The following LRRC7 variants were observed in gnomAD, a reference collection of about 807,000 sequenced individuals.
LRRC7 encodes leucine-rich repeat-containing protein 7.
In LRRC7, 23 loss-of-function variants were observed where a neutral mutation model predicts 175.7. The observed-to-expected ratio is 0.13, with a 90% CI of 0.09 to 0.19. LRRC7 has a LOEUF of 0.19. Among genes scored for constraint, LRRC7 ranks in the 10% least tolerant of loss-of-function variants. LRRC7 has a pLI of 1.00. For synonymous variants in LRRC7, 685 were observed against 680.9 expected, an observed-to-expected ratio of 1.01 and a Z score of -0.09; for missense variants, 1,354 against 1,904.7, an observed-to-expected ratio of 0.71 and a Z score of 5.38.
intron 7 of LRRC7, among the ~76,000 whole-genome samples, chr1:69,904,703 A>G (rs1363030044): frequency 6.6e-6 from 1 of 152,064 alleles, no homozygotes; most frequent in African/African-American, 2.4e-5. Flanking sequence ...TCAGGGGTAC[A>G]TGTGCAGGTT....
At chr1:69,839,804 AT>A (rs1238532944) in intron 7 of LRRC7, among the ~76,000 whole-genome samples, 1 of 152,110 alleles carries the variant, frequency 6.6e-6, no homozygotes, top group Non-Finnish European at 1.5e-5. Context: ...ATCTTTAAAT[AT>A]GAATTTTAAA....
At chr1:70,118,064 C>A (rs1468700438) in intron 26 of LRRC7, among the ~76,000 whole-genome samples, 2 of 28,268 alleles carry the variant, frequency 7.1e-5, no homozygotes, top group Non-Finnish European at 1.7e-4. Context: ...TTCTTCTATG[C>A]ACACACACAC....
At chr1:69,712,529 C>G (rs1664881393) in intron 2 of LRRC7, among the ~76,000 whole-genome samples, 1 of 152,032 alleles carries the variant, frequency 6.6e-6, no homozygotes, top group Admixed American at 6.6e-5. Context: ...TGCTTGAACC[C>G]AGGAGGCAGC....
intron 7 of LRRC7, among the ~76,000 whole-genome samples, chr1:69,926,249 G>A (rs1413636769): frequency 4.6e-4 from 60 of 131,298 alleles, no homozygotes; most frequent in Middle Eastern, 3.8e-3. Flanking sequence ...AATAGGTGTG[G>A]TGTGTGGTGT....
At chr1:69,967,133 C>T (rs966178493) in intron 8 of LRRC7, among the ~76,000 whole-genome samples, 6 of 152,120 alleles carry the variant, frequency 3.9e-5, no homozygotes, top group Admixed American at 2.6e-4. Context: ...TGAGACCAGC[C>T]GTTTGAATTG....
chr1:69,936,519 C>T (rs1224659570), intron 8 of LRRC7, among the ~76,000 whole-genome samples: 1 of 152,064 alleles, frequency 6.6e-6, no homozygotes, highest in Non-Finnish European at 1.5e-5. Context: ...AAATGTACTT[C>T]TTCAAAAATT....
intron 2 of LRRC7, among the ~76,000 whole-genome samples, chr1:69,698,555 T>C (rs974937347): frequency 3.3e-5 from 5 of 152,198 alleles, no homozygotes; most frequent in African/African-American, 7.2e-5. Context: ...CCTAGGAATA[T>C]CCAGAAAACT....
At chr1:69,776,733 G>C (rs949992663) in intron 3 of LRRC7, among the ~76,000 whole-genome samples, 1 of 151,722 alleles carries the variant, frequency 6.6e-6, no homozygotes, top group African/African-American at 2.4e-5. Flanking sequence ...GTGTGGGTGG[G>C]TGTGTCTGTG....
chr1:69,789,270 A>C (rs1674841251), intron 3 of LRRC7, among the ~76,000 whole-genome samples: 1 of 152,130 alleles, frequency 6.6e-6, no homozygotes, highest in South Asian at 2.1e-4. Flanking sequence ...ACTTGAAACA[A>C]TTTTATTGTT....
chr1:70,120,368 A>G (rs1044515413), intron 26 of LRRC7, among the ~76,000 whole-genome samples: 2 of 152,160 alleles, frequency 1.3e-5, no homozygotes, highest in Middle Eastern at 3.4e-3. Flanking sequence ...AAGAATTTAT[A>G]TTCTGTCATC....
chr1:69,685,044 C>T (rs959315084), intron 2 of LRRC7, among the ~76,000 whole-genome samples: 10 of 152,140 alleles, frequency 6.6e-5, no homozygotes, highest in South Asian at 4.1e-4. Flanking sequence ...AGAGGTTTAC[C>T]TAGGAATATT....
chr1:70,072,578 ACTGCTGCTG>A (rs6143270), intron 23 of LRRC7, among the ~76,000 whole-genome samples: 2,250 of 150,660 alleles, frequency 0.015, 33 homozygotes, highest in Non-Finnish European at 0.022. Flanking sequence ...GAGACAAAAA[ACTGCTGCTG>A]CTGCTGCTGC....
At position 70,036,174 on chromosome 1, in the gene LRRC7, A is replaced by G; in HGVS notation, c.2049A>G (p.Ser683=). ...NEMRIGELHP[S]LAETPLYPPK... is the part of the protein sequence containing the mutation. ...TGAGGATTGGGGAACTTCACCCTTC[A>G]TTAGCTGAGACCCCTCTGTACCCAC... Residue 683 remains serine, a synonymous_variant, in exon 19 of 27, where the codon TCA becomes TCG. Coordinates refer to ENST00000651989, the MANE Select transcript of LRRC7 (RefSeq NM_001370785.2). 1 of 1,613,612 alleles carries G rather than the reference A, an allele frequency of 6.2e-7. No individual in the cohort carries two copies. The highest frequency in any genetic ancestry group is 8.5e-7 in the Non-Finnish European group (1 of 1,179,680).
At chr1:69,731,338 C>T (rs2100818492) in intron 2 of LRRC7, among the ~76,000 whole-genome samples, 1 of 152,186 alleles carries the variant, frequency 6.6e-6, no homozygotes, top group East Asian at 1.9e-4. Flanking sequence ...CTCACTATTA[C>T]AAGAACAGCA....
intron 23 of LRRC7, among the ~76,000 whole-genome samples, chr1:70,055,285 A>T (rs1308828087): frequency 6.6e-6 from 1 of 152,130 alleles, no homozygotes; most frequent in East Asian, 1.9e-4. Flanking sequence ...GCTGGGATTT[A>T]TCCTGTGGGA....
rs59212223 is a variant in LRRC7, at chr1:69,600,800, C to CTTTTTTTTTTTTTTTTTTTTTTTTTTT, written c.2+32161_2+32187dup. Among the ~76,000 whole-genome samples, 3 of 64,896 alleles carry CTTTTTTTTTTTTTTTTTTTTTTTTTTT rather than the reference C, an allele frequency of 4.6e-5. 1 individual carries two copies. Among genetic ancestry groups the CTTTTTTTTTTTTTTTTTTTTTTTTTTT allele is most frequent in the African/African-American group, 1.2e-4 (2 of 16,152 alleles). The allele number at this position is 64,896 out of a possible 152,430, so 42.6% of individuals were successfully genotyped here. A position where few individuals can be genotyped will look rare whatever the true frequency, so the allele number is the denominator to read the frequency against. ...CCATTTCTCCAAGGATCTCTGGTTT[C>CTTTTTTTTTTTTTTTTTTTTTTTTTTT]TTTTTTTTTTTTTTTTTTTTTTTTT... On this transcript the variant is annotated intron_variant, in intron 1 of 26. Transcript: ENST00000651989.
intron 1 of LRRC7, among the ~76,000 whole-genome samples, chr1:69,642,337 A>G (rs1654333910): frequency 6.6e-6 from 1 of 152,026 alleles, no homozygotes; most frequent in Non-Finnish European, 1.5e-5. Flanking sequence ...CAAATAAACC[A>G]TTATATTCAA....
intron 20 of LRRC7, 105 bp downstream of exon 20, chr1:70,036,729 C>T (rs1659352677): frequency 2.4e-6 from 3 of 1,239,716 alleles, no homozygotes; most frequent in African/African-American, 3.1e-5. Context: ...ACACAAGTGG[C>T]ATAGAAGACA....
intron 12 of LRRC7, 82 bp from the exon 13 acceptor site, chr1:70,012,892 A>G: frequency 3.1e-6 from 2 of 654,376 alleles, no homozygotes; most frequent in Non-Finnish European, 2.4e-6. Context: ...AATCTACTAA[A>G]TTGTTTTAAA....
Sources: allele counts gnomAD v4.1 joint callset (sites outside exome capture counted in the v4.1 genomes callset), GRCh38; gene constraint gnomAD v4.1.1; transcripts MANE v1.5; gene names NCBI Gene and HGNC (gene_info 2026-07-23, HGNC 2026-07-21).